JAM2: variants seen among roughly 807,000 people sequenced by gnomAD.
The protein encoded by JAM2 is junctional adhesion molecule B.
JAM2 carries 17 observed loss-of-function variants against 42.0 expected under a neutral mutation model. The observed-to-expected ratio is 0.40, with a 90% CI of 0.28 to 0.61. JAM2 has a LOEUF of 0.61. Ranked by LOEUF, JAM2 falls within the 20% of genes least tolerant of loss-of-function variation. JAM2 has a pLI of 0.37. For synonymous variants in JAM2, 118 were observed against 128.6 expected, an observed-to-expected ratio of 0.92 and a Z score of 0.56; for missense variants, 319 against 358.3, an observed-to-expected ratio of 0.89 and a Z score of 0.89.
intron 9 of JAM2, among the ~76,000 whole-genome samples, chr21:25,713,456 T>G (rs1175422525): frequency 6.6e-6 from 1 of 151,804 alleles, no homozygotes; most frequent in African/African-American, 2.4e-5. Flanking sequence ...TCCTATGGTT[T>G]TAGAGGCCTA....
intron 7 of JAM2, among the ~76,000 whole-genome samples, chr21:25,706,947 C>G (rs1305158912): frequency 1.3e-5 from 2 of 151,914 alleles, no homozygotes; most frequent in African/African-American, 4.8e-5. Flanking sequence ...ATCGTGTTAG[C>G]CGGGATGGTC....
intron 8 of JAM2, chr21:25,709,698 A>G (rs1411389506): frequency 1.5e-5 from 5 of 326,576 alleles, no homozygotes; most frequent in African/African-American, 2.1e-5. Context: ...AAGCTGTACA[A>G]TCCTGGCACC....
chr21:25,664,880 T>G (rs1457833702), intron 1 of JAM2, among the ~76,000 whole-genome samples: 6 of 152,198 alleles, frequency 3.9e-5, no homozygotes, highest in Admixed American at 3.3e-4. Context: ...TTTATCACCA[T>G]GGAATCTGTA....
chr21:25,706,538 T>C (rs2123412340), intron 7 of JAM2, among the ~76,000 whole-genome samples: 1 of 152,272 alleles, frequency 6.6e-6, no homozygotes, highest in South Asian at 2.1e-4. Flanking sequence ...TTTTCTGCTA[T>C]AGAAAATGTT....
chr21:25,663,591 T>C (rs1568894666), intron 1 of JAM2, among the ~76,000 whole-genome samples: 1 of 152,098 alleles, frequency 6.6e-6, no homozygotes, highest in African/African-American at 2.4e-5. Flanking sequence ...TGAGTTATCA[T>C]AGGAGCGGGA....
intron 1 of JAM2, among the ~76,000 whole-genome samples, chr21:25,658,939 A>C (rs1183529264): frequency 2.0e-5 from 3 of 152,178 alleles, no homozygotes; most frequent in African/African-American, 7.2e-5. Flanking sequence ...TATCTGGAAG[A>C]CAAGGATAAA....
At chr21:25,678,365 A>G (rs186277999) in intron 1 of JAM2, among the ~76,000 whole-genome samples, 182 of 152,262 alleles carry the variant, frequency 1.2e-3, no homozygotes, top group African/African-American at 4.2e-3. Context: ...TTCAGACTCT[A>G]TCTTTGGAGT....
intron 1 of JAM2, among the ~76,000 whole-genome samples, chr21:25,676,295 A>AAG (rs2033492963): frequency 6.9e-6 from 1 of 144,792 alleles, no homozygotes; most frequent in African/African-American, 2.5e-5. Context: ...TCAAAAAAAA[A>AAG]AAAAAAAAGA....
In JAM2 at chr21:25,702,178, T is replaced by C; in HGVS notation, c.606T>C (p.Asn202=). Residue 202 remains asparagine (N), a synonymous_variant, in exon 6 of 10, where the codon AAT becomes AAC. Coordinates refer to ENST00000480456, the MANE Select transcript of JAM2 (RefSeq NM_021219.4). ...MNTKTGTLQF[N]TVSKLDTGEY... ...TTTGCATCCACAAATAGCAATTTAA[T>C]ACTGTTTCCAAACTGGACACTGGAG... is the stretch of plus-strand genomic sequence containing the variant. 1.9e-6 allele frequency: 3 copies of C among 1,561,930 alleles called. No individual in the cohort carries two copies. Among genetic ancestry groups the C allele is most frequent in the Non-Finnish European group, 1.8e-6 (2 of 1,140,644 alleles).
chr21:25,696,752 T>A (rs1370784865), intron 4 of JAM2, among the ~76,000 whole-genome samples: 1 of 152,180 alleles, frequency 6.6e-6, no homozygotes, highest in African/African-American at 2.4e-5. Flanking sequence ...CCGAGAGGTC[T>A]CTGTTCCATG....
chr21:25,679,918 G>A (rs1181143991), intron 1 of JAM2, among the ~76,000 whole-genome samples: 3 of 152,140 alleles, frequency 2.0e-5, no homozygotes, highest in African/African-American at 7.2e-5. Context: ...TGAGTCCAAA[G>A]CCAAATGCCA....
At chr21:25,647,236 T>C (rs752849176) in intron 1 of JAM2, among the ~76,000 whole-genome samples, 1 of 151,818 alleles carries the variant, frequency 6.6e-6, no homozygotes, top group Non-Finnish European at 1.5e-5. Flanking sequence ...AACAGAGCAG[T>C]AAGTTTACAA....
intron 1 of JAM2, among the ~76,000 whole-genome samples, chr21:25,641,835 G>C (rs545589554): frequency 6.6e-6 from 1 of 152,174 alleles, no homozygotes; most frequent in East Asian, 1.9e-4. Context: ...GGTTCTTCTT[G>C]GTTGTAACAG....
intron 8 of JAM2, chr21:25,711,398 G>A (rs549946751): frequency 4.8e-5 from 22 of 456,132 alleles, no homozygotes; most frequent in Admixed American, 1.9e-4. Flanking sequence ...CTCTATGGGC[G>A]TAGAGAGAAG....
chr21:25,711,737 A>AT (rs2034387840), intron 8 of JAM2, among the ~76,000 whole-genome samples: 1 of 148,894 alleles, frequency 6.7e-6, no homozygotes, highest in African/African-American at 2.5e-5. Flanking sequence ...ACGAAAAGTA[A>AT]TTGGAAGGTT....
chr21:25,679,520 G>A (rs111299655), intron 1 of JAM2, among the ~76,000 whole-genome samples: 6 of 152,244 alleles, frequency 3.9e-5, no homozygotes, highest in African/African-American at 1.2e-4. Context: ...TGGTGATACC[G>A]GCATCTAGTG....
chr21:25,648,450 T>TTGTGTGTGTG (rs61479815), intron 1 of JAM2, among the ~76,000 whole-genome samples: 1,766 of 148,476 alleles, frequency 0.012, 41 homozygotes, highest in East Asian at 0.094. Context: ...TGCCGTGTGT[T>TTGTGTGTGTG]TGTGTGTGTG....
chr21:25,697,005 C>CCATTTTTT lies in JAM2; in HGVS notation c.395-1672_395-1671insCATTTTTT, dbSNP rs1568914092. Among the ~76,000 whole-genome samples, 4 of 144,214 alleles carry CCATTTTTT rather than the reference C, an allele frequency of 2.8e-5. 1 individual carries two copies. The highest frequency in any genetic ancestry group is 2.7e-5 in the African/African-American group (1 of 36,778). 94.6% of individuals were successfully genotyped at this position (144,214 alleles called of 152,430 possible). A position where few individuals can be genotyped will look rare whatever the true frequency, so the allele number is the denominator to read the frequency against. On this transcript the variant is annotated intron_variant, in intron 4 of 9. Transcript: ENST00000480456. The stretch of plus-strand genomic sequence containing the variant: ...CTCAGCTGAGACAACAGGCACACAC[C>CCATTTTTT]TATTTTTTTTTTTTTTTTTTGTAGA...
At chr21:25,663,052 A>G (rs917742734) in intron 1 of JAM2, among the ~76,000 whole-genome samples, 3 of 152,246 alleles carry the variant, frequency 2.0e-5, no homozygotes, top group East Asian at 1.9e-4. Flanking sequence ...CAGTTAAGTC[A>G]GGTGTTAAAT....
Sources: allele counts gnomAD v4.1 joint callset (sites outside exome capture counted in the v4.1 genomes callset), GRCh38; gene constraint gnomAD v4.1.1; transcripts MANE v1.5; gene names NCBI Gene and HGNC (gene_info 2026-07-23, HGNC 2026-07-21).